The following SPAG16 variants were observed in gnomAD, a reference collection of about 807,000 sequenced individuals.
SPAG16 encodes sperm-associated antigen 16 protein.
A neutral mutation model predicts 80.4 loss-of-function variants in SPAG16; 86 were observed. That is an observed-to-expected ratio of 1.07 (90% CI 0.90 to 1.28). The LOEUF is 1.28. Among genes scored for constraint, SPAG16 ranks in the 50% most tolerant of loss-of-function variants. The probability of loss-of-function intolerance (pLI) is 0.00; values close to 1 mark genes in which losing one functional copy is unlikely to be tolerated. For missense variants in SPAG16, 870 were observed against 765.3 expected, an observed-to-expected ratio of 1.14 and a Z score of -1.61; for synonymous variants, 294 against 265.9, an observed-to-expected ratio of 1.11 and a Z score of -1.03.
At chr2:213,479,210 A>G (rs1388569062) in intron 9 of SPAG16, among the ~76,000 whole-genome samples, 2 of 148,382 alleles carry the variant, frequency 1.3e-5, no homozygotes, top group Non-Finnish European at 1.5e-5. Context: ...ATCATGGTCA[A>G]CTCTATCACT....
intron 11 of SPAG16, among the ~76,000 whole-genome samples, chr2:213,879,663 TCTATTGTTC>T (rs991543864): frequency 2.6e-5 from 4 of 152,042 alleles, no homozygotes; most frequent in African/African-American, 9.7e-5. Flanking sequence ...GTCTGCCATG[TCTATTGTTC>T]CCATTTTTAT....
At chr2:214,319,080 G>A (rs1414969697) in intron 15 of SPAG16, among the ~76,000 whole-genome samples, 1 of 152,062 alleles carries the variant, frequency 6.6e-6, no homozygotes. Context: ...TGATCAGGCT[G>A]AGAACCCCCT....
At chr2:214,030,330 T>G (rs1199960932) in intron 13 of SPAG16, among the ~76,000 whole-genome samples, 1 of 152,162 alleles carries the variant, frequency 6.6e-6, no homozygotes, top group Non-Finnish European at 1.5e-5. Flanking sequence ...TAAAAACTGT[T>G]GCATTGTATG....
At chr2:213,389,072 A>G (rs1228882451) in intron 9 of SPAG16, among the ~76,000 whole-genome samples, 1 of 152,218 alleles carries the variant, frequency 6.6e-6, no homozygotes, top group African/African-American at 2.4e-5. Context: ...AGACAGACAT[A>G]TAGACCAATG....
intron 12 of SPAG16, among the ~76,000 whole-genome samples, chr2:213,976,466 T>C (rs2045413590): frequency 6.6e-6 from 1 of 151,950 alleles, no homozygotes; most frequent in Non-Finnish European, 1.5e-5. Context: ...TCAAGTATAT[T>C]AACTTATGTA....
chr2:213,768,679 A>G (rs1027441772), intron 10 of SPAG16, among the ~76,000 whole-genome samples: 3 of 152,350 alleles, frequency 2.0e-5, no homozygotes, highest in Non-Finnish European at 2.9e-5. Context: ...TGAATTTGCA[A>G]TGTTTGTGAG....
intron 15 of SPAG16, among the ~76,000 whole-genome samples, chr2:214,192,402 CTTTATTTTCTATTTCT>C (rs1221075205): frequency 2.0e-5 from 3 of 151,818 alleles, no homozygotes; most frequent in African/African-American, 7.3e-5. Flanking sequence ...TGGTGAAACT[CTTTATTTTCTATTTCT>C]TAGAAAAAAA....
intron 12 of SPAG16, among the ~76,000 whole-genome samples, chr2:213,997,753 T>C (rs1034228582): frequency 2.0e-5 from 3 of 152,212 alleles, no homozygotes; most frequent in East Asian, 1.9e-4. Context: ...ATAAAAAAAT[T>C]GCCAGTCTCA....
chr2:213,317,631 C>G (rs556387472), intron 5 of SPAG16: 1 of 1,056,970 alleles, frequency 9.5e-7, no homozygotes, highest in Admixed American at 5.2e-5. Context: ...ATTTGATAGT[C>G]TTTTCATGGT....
intron 15 of SPAG16, among the ~76,000 whole-genome samples, chr2:214,314,175 C>T (rs1453602703): frequency 6.6e-6 from 1 of 151,996 alleles, no homozygotes; most frequent in African/African-American, 2.4e-5. Flanking sequence ...TTAATTTTGC[C>T]TTGAGTTATA....
At chr2:213,441,491 G>A (rs556522446) in intron 9 of SPAG16, among the ~76,000 whole-genome samples, 1 of 152,306 alleles carries the variant, frequency 6.6e-6, no homozygotes, top group East Asian at 1.9e-4. Flanking sequence ...AAGGGGTAGT[G>A]ACAAAATGGA....
intron 10 of SPAG16, among the ~76,000 whole-genome samples, chr2:213,642,197 T>C (rs2062618608): frequency 6.6e-6 from 1 of 152,192 alleles, no homozygotes; most frequent in Non-Finnish European, 1.5e-5. Context: ...TCATGGAGGT[T>C]GCAGCAGCAA....
At chr2:214,363,579 G>A (rs1274782622) in intron 15 of SPAG16, among the ~76,000 whole-genome samples, 1 of 151,950 alleles carries the variant, frequency 6.6e-6, no homozygotes, top group Non-Finnish European at 1.5e-5. Flanking sequence ...AACTCACTCA[G>A]AGAGACAAGC....
chr2:214,364,358 A>C (rs1256617867), intron 15 of SPAG16, among the ~76,000 whole-genome samples: 3 of 152,082 alleles, frequency 2.0e-5, no homozygotes, highest in Non-Finnish European at 2.9e-5. Context: ...TTTCTCCTTA[A>C]AATGTTCCCT....
chr2:214,276,247 C>T (rs1315974591), intron 15 of SPAG16, among the ~76,000 whole-genome samples: 2 of 152,172 alleles, frequency 1.3e-5, no homozygotes, highest in Non-Finnish European at 2.9e-5. Flanking sequence ...GCTCTTTATC[C>T]AATTTGCCAG....
chr2:213,677,800 A>T (rs914598787), intron 10 of SPAG16, among the ~76,000 whole-genome samples: 2 of 152,146 alleles, frequency 1.3e-5, no homozygotes, highest in Admixed American at 1.3e-4. Context: ...TCCACCCCAA[A>T]TCAACAGAAT....
intron 9 of SPAG16, among the ~76,000 whole-genome samples, chr2:213,455,978 G>A (rs1049957932): frequency 6.6e-6 from 1 of 152,150 alleles, no homozygotes; most frequent in Admixed American, 6.5e-5. Flanking sequence ...GTTTTGAATG[G>A]TTTTTTAAGG....
At chr2:213,974,970 A>AG (rs1559646974) in intron 12 of SPAG16, among the ~76,000 whole-genome samples, 1,637 of 150,156 alleles carry the variant, frequency 0.011, 26 homozygotes, top group African/African-American at 0.038. Context: ...AAAAAACACA[A>AG]AATGTGTAAA....
At chr2:213,676,750 A>G (rs1465239460) in intron 10 of SPAG16, among the ~76,000 whole-genome samples, 1 of 150,642 alleles carries the variant, frequency 6.6e-6, no homozygotes, top group African/African-American at 2.5e-5. Context: ...ATCATGGTGG[A>G]TAAGCTTTTT....
Sources: allele counts gnomAD v4.1 joint callset (sites outside exome capture counted in the v4.1 genomes callset), GRCh38; gene constraint gnomAD v4.1.1; transcripts MANE v1.5; gene names NCBI Gene and HGNC (gene_info 2026-07-23, HGNC 2026-07-21).